The following ZNF804B variants were observed in gnomAD, a reference collection of about 807,000 sequenced individuals.
The protein encoded by ZNF804B is zinc finger 804B.
A neutral mutation model predicts 101.4 loss-of-function variants in ZNF804B; 80 were observed. The ratio of observed to expected loss-of-function variants is 0.79; its 90% confidence interval spans 0.66 to 0.95. ZNF804B has a LOEUF of 0.95. Among genes scored for constraint, ZNF804B ranks in the 40% least tolerant of loss-of-function variants. The probability of loss-of-function intolerance (pLI) is 0.00; values close to 1 mark genes in which losing one functional copy is unlikely to be tolerated. For missense variants in ZNF804B, 1,673 were observed against 1,561.9 expected (o/e 1.07, Z -1.20); for synonymous variants, 622 against 558.8 (o/e 1.11, Z -1.59).
At position 89,334,096 on chromosome 7, in the gene ZNF804B, A is replaced by G. The variant is rs777794858; in HGVS notation, c.1114A>G (p.Ile372Val). The G allele has an allele frequency of 2.5e-6, 4 of 1,613,624 alleles. No individual in the cohort carries two copies. In the African/African-American group the frequency reaches 5.3e-5, roughly 22 times the overall value. Residue 372 changes from isoleucine to valine, a missense_variant, in exon 4 of 4, where the codon ATT (isoleucine) becomes GTT (valine). Ile to Val is a conservative substitution (Grantham distance 29). Coordinates refer to ENST00000333190, the MANE Select transcript of ZNF804B (RefSeq NM_181646.5). ...QANASFSPPNIYNHSDARISE... is the reference protein window; with the variant it reads ...QANASFSPPNVYNHSDARISE... ...AAATGCTTCCTTCAGCCCACCAAAC[A>G]TTTACAACCATAGTGATGCCAGGAT...
chr7:89,262,139 C>T (rs1031041663), intron 2 of ZNF804B, among the ~76,000 whole-genome samples: 2 of 152,116 alleles, frequency 1.3e-5, no homozygotes, highest in African/African-American at 2.4e-5. Context: ...CCCCCTTTTT[C>T]AACTTCGTTG....
At chr7:89,072,370 T>A (rs17166554) in intron 1 of ZNF804B, among the ~76,000 whole-genome samples, 5,103 of 152,254 alleles carry the variant, frequency 0.034, 110 homozygotes, top group Admixed American at 0.058. Flanking sequence ...TCTTTTGGTT[T>A]CTACTTGCCA....
chr7:88,845,289 GCGCA>G (rs1459132315), intron 1 of ZNF804B, among the ~76,000 whole-genome samples: 7 of 115,932 alleles, frequency 6.0e-5, no homozygotes, highest in African/African-American at 2.3e-4. Flanking sequence ...GCACGCGCGC[GCGCA>G]CGCGCGCGCA....
intron 1 of ZNF804B, among the ~76,000 whole-genome samples, chr7:88,934,033 A>G (rs1199062776): frequency 6.6e-6 from 1 of 152,016 alleles, no homozygotes; most frequent in Non-Finnish European, 1.5e-5. Context: ...ACATGGCTAT[A>G]GTTACCAAAA....
chr7:89,235,410 G>GACACAATGGTCCATGGTGGT (rs1254311018), intron 2 of ZNF804B, among the ~76,000 whole-genome samples: 1 of 152,118 alleles, frequency 6.6e-6, no homozygotes, highest in African/African-American at 2.4e-5. Flanking sequence ...GTAATGGTGG[G>GACACAATGGTCCATGGTGGT]ACACAATGGT....
intron 2 of ZNF804B, among the ~76,000 whole-genome samples, chr7:89,274,901 G>A (rs1382733653): frequency 6.6e-6 from 1 of 151,626 alleles, no homozygotes; most frequent in Non-Finnish European, 1.5e-5. Context: ...AGTGTTCTTG[G>A]GCTCAAGCCA....
At chr7:88,985,496 G>A (rs1029681504) in intron 1 of ZNF804B, among the ~76,000 whole-genome samples, 1 of 151,632 alleles carries the variant, frequency 6.6e-6, no homozygotes, top group Non-Finnish European at 1.5e-5. Flanking sequence ...TGTGAAGGGC[G>A]ATGGGAGAGT....
At chr7:89,319,116 C>G (rs971119227) in intron 2 of ZNF804B, among the ~76,000 whole-genome samples, 1 of 152,088 alleles carries the variant, frequency 6.6e-6, no homozygotes, top group Non-Finnish European at 1.5e-5. Flanking sequence ...TCCTTGCCCT[C>G]GTTCCTGTAA....
intron 1 of ZNF804B, among the ~76,000 whole-genome samples, chr7:89,125,538 T>G (rs932409484): frequency 1.3e-5 from 2 of 152,064 alleles, no homozygotes; most frequent in African/African-American, 4.8e-5. Context: ...TTCATAAGCA[T>G]TCCATTAAAA....
intron 1 of ZNF804B, among the ~76,000 whole-genome samples, chr7:89,190,376 G>C (rs755181445): frequency 6.6e-6 from 1 of 151,194 alleles, no homozygotes; most frequent in Non-Finnish European, 1.5e-5. Context: ...TTAAAATAGG[G>C]GCCTGAAGAT....
intron 1 of ZNF804B, among the ~76,000 whole-genome samples, chr7:89,049,219 T>G (rs959594955): frequency 2.0e-5 from 3 of 152,168 alleles, no homozygotes; most frequent in African/African-American, 4.8e-5. Flanking sequence ...ACAAGGTCAT[T>G]GACAGGCCAT....
At chr7:88,790,066 T>A (rs950920108) in intron 1 of ZNF804B, among the ~76,000 whole-genome samples, 1 of 152,238 alleles carries the variant, frequency 6.6e-6, no homozygotes, top group Admixed American at 6.6e-5. Context: ...TACTCAAGTA[T>A]TCATATAAAA....
intron 1 of ZNF804B, among the ~76,000 whole-genome samples, chr7:88,848,361 G>A (rs1219769942): frequency 6.6e-6 from 1 of 152,140 alleles, no homozygotes; most frequent in Non-Finnish European, 1.5e-5. Context: ...TGAGTAGCAT[G>A]AGTATTATCA....
In ZNF804B at chr7:89,111,280, T is replaced by A. The variant is rs976546270; in HGVS notation, c.109-106875T>A. Among the ~76,000 whole-genome samples the A allele has an allele frequency of 2.0e-5, 3 of 152,212 alleles. No individual in the cohort carries two copies. The South Asian group carries it at 6.2e-4, about 31-fold the overall frequency. The stretch of plus-strand genomic sequence containing the variant: ...GAATGCTGAATCATTTGCTAAGGGT[T>A]TTATTTCACTTTGTAAGAAACTGTC... On this transcript the variant is annotated intron_variant, in intron 1 of 3. Coordinates refer to ENST00000333190, the MANE Select transcript of ZNF804B (RefSeq NM_181646.5).
intron 1 of ZNF804B, among the ~76,000 whole-genome samples, chr7:89,180,500 A>C (rs1048413670): frequency 6.6e-6 from 1 of 152,034 alleles, no homozygotes; most frequent in Admixed American, 6.6e-5. Flanking sequence ...CCAAGAAAGA[A>C]CTGGGTCCTT....
chr7:88,854,029 C>T (rs947755127), intron 1 of ZNF804B, among the ~76,000 whole-genome samples: 9 of 151,994 alleles, frequency 5.9e-5, no homozygotes, highest in Admixed American at 1.3e-4. Flanking sequence ...ATTTTTACTG[C>T]GTTTTTCAAC....
chr7:88,878,850 TTTG>T (rs370128559), intron 1 of ZNF804B, among the ~76,000 whole-genome samples: 30 of 152,272 alleles, frequency 2.0e-4, no homozygotes, highest in South Asian at 6.2e-4. Context: ...TTCCAATTAA[TTTG>T]TTGTCTACAC....
chr7:89,029,296 G>T (rs1460248470), intron 1 of ZNF804B, among the ~76,000 whole-genome samples: 1 of 152,022 alleles, frequency 6.6e-6, no homozygotes, highest in Non-Finnish European at 1.5e-5. Context: ...TAGAAATGGG[G>T]TTTCACCATG....
intron 2 of ZNF804B, among the ~76,000 whole-genome samples, chr7:89,268,411 A>G (rs541306114): frequency 7.2e-5 from 11 of 152,204 alleles, no homozygotes; most frequent in African/African-American, 2.6e-4. Context: ...AATCCCACCT[A>G]TGTTAGACTT....
Sources: allele counts gnomAD v4.1 joint callset (sites outside exome capture counted in the v4.1 genomes callset), GRCh38; gene constraint gnomAD v4.1.1; transcripts MANE v1.5; gene names NCBI Gene and HGNC (gene_info 2026-07-23, HGNC 2026-07-21).